The following ZNF385D variants were observed in gnomAD, a reference collection of about 807,000 sequenced individuals.
ZNF385D encodes zinc finger protein 659.
In ZNF385D, 15 loss-of-function variants were observed where a neutral mutation model predicts 35.8. The ratio of observed to expected loss-of-function variants is 0.42; its 90% CI spans 0.28 to 0.64. The LOEUF (loss-of-function observed/expected upper bound fraction) is 0.64, where lower values mean the gene tolerates loss of function less well. ZNF385D is among the 30% of genes least tolerant of loss of function. ZNF385D has a pLI of 0.23. For missense variants in ZNF385D, 474 were observed against 494.6 expected, an observed-to-expected ratio of 0.96 and a Z score of 0.39; for synonymous variants, 212 against 186.8, an observed-to-expected ratio of 1.13 and a Z score of -1.10.
At chr3:21,977,837 A>C (rs1378578521) in intron 3 of ZNF385D, among the ~76,000 whole-genome samples, 1 of 151,926 alleles carries the variant, frequency 6.6e-6, no homozygotes, top group East Asian at 1.9e-4. Flanking sequence ...CCCTGTCTCT[A>C]AAAAAAGGAA....
intron 3 of ZNF385D, among the ~76,000 whole-genome samples, chr3:22,075,749 A>C (rs1559349647): frequency 6.6e-6 from 1 of 151,938 alleles, no homozygotes; most frequent in Admixed American, 6.6e-5. Flanking sequence ...CATCTATCCC[A>C]GATTTTTCTC....
chr3:21,714,399 C>A (rs1333188928), intron 1 of ZNF385D, among the ~76,000 whole-genome samples: 1 of 152,162 alleles, frequency 6.6e-6, no homozygotes, highest in Non-Finnish European at 1.5e-5. Flanking sequence ...TCACTAAAGG[C>A]TCACTTCTGA....
chr3:22,143,295 A>G (rs1340427193), intron 3 of ZNF385D, among the ~76,000 whole-genome samples: 4 of 152,114 alleles, frequency 2.6e-5, no homozygotes, highest in African/African-American at 9.7e-5. Context: ...CGTGTTAGCC[A>G]GGATGGTCTT....
At chr3:21,798,000 A>T (rs531001794) in intron 3 of ZNF385D, among the ~76,000 whole-genome samples, 1 of 152,318 alleles carries the variant, frequency 6.6e-6, no homozygotes, top group South Asian at 2.1e-4. Context: ...CCAACAGTGA[A>T]CCCTAGTGCT....
chr3:21,973,155 C>T (rs1186058489), intron 3 of ZNF385D, among the ~76,000 whole-genome samples: 1 of 151,758 alleles, frequency 6.6e-6, no homozygotes. Flanking sequence ...AACACTGACG[C>T]GAATTTCCTC....
chr3:21,578,032 C>T (rs2063545088), intron 2 of ZNF385D, among the ~76,000 whole-genome samples: 1 of 152,032 alleles, frequency 6.6e-6, no homozygotes, highest in East Asian at 1.9e-4. Flanking sequence ...CCAGGATGAC[C>T]TCAAACTCCT....
At chr3:21,429,046 G>A (rs1051677723) in intron 5 of ZNF385D, among the ~76,000 whole-genome samples, 7 of 150,266 alleles carry the variant, frequency 4.7e-5, no homozygotes, top group Admixed American at 2.0e-4. Context: ...CTTCCCTTTC[G>A]TTTCCCATCA....
At chr3:21,610,949 T>C (rs924432446) in intron 2 of ZNF385D, among the ~76,000 whole-genome samples, 3 of 152,186 alleles carry the variant, frequency 2.0e-5, no homozygotes, top group African/African-American at 7.2e-5. Context: ...CAGTTTCCCG[T>C]GGACTGTTGA....
chr3:22,033,728 A>T (rs1698149024), intron 3 of ZNF385D, among the ~76,000 whole-genome samples: 1 of 151,992 alleles, frequency 6.6e-6, no homozygotes, highest in African/African-American at 2.4e-5. Context: ...TTGAGAATAA[A>T]TTAAAGACAT....
At chr3:22,328,933 T>C (rs971884291) in intron 2 of ZNF385D, among the ~76,000 whole-genome samples, 2 of 151,658 alleles carry the variant, frequency 1.3e-5, no homozygotes, top group Non-Finnish European at 2.9e-5. Context: ...AAAAATTAGC[T>C]GGGCGTGGTA....
At position 21,537,189 on chromosome 3, in the gene ZNF385D, G is replaced by C. The variant is rs536271588; in HGVS notation, c.277-26166C>G. The stretch of plus-strand genomic sequence containing the variant: ...GCTGTGTCACCCACGCTGGAGTGCA[G>C]TGGCGTGATCTCAGCTCACTGCAAC... On this transcript the variant is annotated intron_variant, in intron 3 of 7. Transcript: ENST00000281523. 1.8e-4 allele frequency among the ~76,000 whole-genome samples: 24 copies of C among 136,856 alleles called. No individual in the cohort carries two copies. In the Admixed American group the frequency reaches 2.0e-3, roughly 11 times the overall value. 89.8% of individuals were successfully genotyped at this position (136,856 alleles called of 152,430 possible).
At chr3:21,958,173 A>C (rs1242231088) in intron 3 of ZNF385D, among the ~76,000 whole-genome samples, 8 of 152,184 alleles carry the variant, frequency 5.3e-5, no homozygotes, top group Admixed American at 5.2e-4. Flanking sequence ...CTTGTAGATC[A>C]TATTCTATCG....
intron 3 of ZNF385D, among the ~76,000 whole-genome samples, chr3:22,064,166 A>G (rs1699821444): frequency 6.6e-6 from 1 of 152,200 alleles, no homozygotes; most frequent in Non-Finnish European, 1.5e-5. Flanking sequence ...CAGAAGACTC[A>G]GTCTTGTCTT....
chr3:22,024,998 G>A (rs751411347), intron 3 of ZNF385D, among the ~76,000 whole-genome samples: 2 of 152,156 alleles, frequency 1.3e-5, no homozygotes, highest in African/African-American at 2.4e-5. Flanking sequence ...AACAAAAGAT[G>A]CGTGCGCAGC....
At chr3:22,313,216 G>C (rs146044663) in intron 2 of ZNF385D, among the ~76,000 whole-genome samples, 1 of 148,504 alleles carries the variant, frequency 6.7e-6, no homozygotes, top group Non-Finnish European at 1.5e-5. Flanking sequence ...ACATGGACAC[G>C]GGAAGGGGAA....
intron 3 of ZNF385D, among the ~76,000 whole-genome samples, chr3:21,998,906 A>G (rs934287882): frequency 2.2e-4 from 33 of 152,308 alleles, no homozygotes; most frequent in African/African-American, 7.9e-4. Flanking sequence ...ATTAACTAGG[A>G]AAATTATATT....
rs1694380694 is a variant in ZNF385D at position 22,320,924 on chromosome 3, T to C, written c.106+51526A>G. Among the ~76,000 whole-genome samples the C allele has an allele frequency of 2.0e-5, 3 of 151,934 alleles. No individual in the cohort carries two copies. In the South Asian group the frequency reaches 6.2e-4, roughly 31 times the overall value. On this transcript the variant is annotated intron_variant, in intron 2 of 5. Coordinates refer to the ZNF385D transcript ENST00000494108. ...TATACTTTTTAATTGCTTAGATGAT[T>C]GTTATTGGAAGAAAAATGGATCGTT...
chr3:22,080,154 G>C (rs1353215281), intron 3 of ZNF385D, among the ~76,000 whole-genome samples: 2 of 152,076 alleles, frequency 1.3e-5, no homozygotes, highest in Non-Finnish European at 2.9e-5. Context: ...AAATGTGCCT[G>C]TCTATGTCTT....
intron 1 of ZNF385D, among the ~76,000 whole-genome samples, chr3:21,743,382 G>A (rs898717499): frequency 7.9e-5 from 12 of 152,220 alleles, no homozygotes; most frequent in South Asian, 2.1e-4. Flanking sequence ...TGAGGCAGTA[G>A]AGAAAGCCTG....
Sources: gnomAD v4.1 joint callset for allele counts (sites outside exome capture counted in the v4.1 genomes callset) on GRCh38, gnomAD v4.1.1 for gene constraint, MANE v1.5 for transcripts, NCBI Gene and HGNC (gene_info 2026-07-23, HGNC 2026-07-21) for gene names.